CEMIP: variants seen among roughly 807,000 people sequenced by gnomAD.
CEMIP encodes the protein cell migration-inducing and hyaluronan-binding protein.
In CEMIP, 105 loss-of-function variants were observed where a neutral mutation model predicts 156.9. The observed-to-expected ratio is 0.67, with a 90% CI of 0.57 to 0.79. The LOEUF is 0.79. Among genes scored for constraint, CEMIP ranks in the 30% least tolerant of loss-of-function variants. The probability of loss-of-function intolerance (pLI) is 0.00; values close to 1 mark genes in which losing one functional copy is unlikely to be tolerated. For synonymous variants in CEMIP, 676 were observed against 668.4 expected (o/e 1.01, Z -0.17); for missense variants, 1,457 against 1,769.4 (o/e 0.82, Z 3.17).
chr15:80,928,001 TG>T (rs1473568538), intron 19 of CEMIP, among the ~76,000 whole-genome samples: 2 of 152,138 alleles, frequency 1.3e-5, no homozygotes, highest in African/African-American at 4.8e-5. Context: ...ACCAGCCTGG[TG>T]CAGCTGATGT....
Position 80,931,889 on chromosome 15 carries a change from T to G in CEMIP, c.2643T>G (p.Tyr881Ter). The G allele has an allele frequency of 6.2e-7, 1 of 1,614,224 alleles. No homozygotes were observed. The highest frequency in any genetic ancestry group is 8.5e-7 in the Non-Finnish European group (1 of 1,180,040). ...TTCCAATTAGAGGAATTCAGTTATA[T>G]GATGGCCCCATCAACATCCAAAACT... Reference protein sequence around the residue: ...QNFPIRGIQLYDGPINIQNCT... With the variant: ...QNFPIRGIQL Residue 881 changes from tyrosine to a stop codon, truncating the protein, a stop_gained, in exon 22 of 30, where the codon TAT becomes TAG. Coordinates refer to ENST00000394685, the MANE Select transcript of CEMIP (RefSeq NM_001293298.2). LOFTEE classifies it high-confidence loss of function.
At chr15:80,924,439 A>G (rs184288355) in intron 17 of CEMIP, among the ~76,000 whole-genome samples, 182 bp from the exon 18 acceptor site, 4 of 152,310 alleles carry the variant, frequency 2.6e-5, no homozygotes, top group Non-Finnish European at 5.9e-5. Context: ...TGGTCTGAGC[A>G]ATGCAGAATA....
At chr15:80,898,942 C>T (rs147766899) in intron 12 of CEMIP, among the ~76,000 whole-genome samples, 222 of 152,266 alleles carry the variant, frequency 1.5e-3, no homozygotes, top group South Asian at 4.4e-3. Context: ...AGGCCGGGCG[C>T]GGTGGCTCAC....
intron 1 of CEMIP, among the ~76,000 whole-genome samples, chr15:80,810,453 C>T (rs537939973): frequency 3.9e-5 from 6 of 152,286 alleles, no homozygotes; most frequent in African/African-American, 9.6e-5. Context: ...CTGCAAGCTC[C>T]GCCTTCCGGA....
At chr15:80,910,020 C>G (rs1899985962) in intron 14 of CEMIP, among the ~76,000 whole-genome samples, 1 of 152,208 alleles carries the variant, frequency 6.6e-6, no homozygotes, top group Admixed American at 6.5e-5. Context: ...ATTGGACTTT[C>G]TTTAAATGAA....
rs1374349245 is a variant in CEMIP at position 80,942,072 on chromosome 15, AGCCTAGACCCCTTTGCCGTCCAGTCGG to A, written c.3612+27_3612+53del. The A allele has an allele frequency of 1.2e-6, 2 of 1,610,754 alleles. No homozygotes were observed. Among genetic ancestry groups the A allele is most frequent in the East Asian group, 2.2e-5 (1 of 44,782 alleles). Reference sequence around the variant, plus strand: ...TCAGCTGGTGAGTGGCTGAGAGCAAAGCCTAGACCCCTTTGCCGTCCAGTCGGGCCTAGAGCCCTTTGCCGTCCAGTC... The same window carrying A: ...TCAGCTGGTGAGTGGCTGAGAGCAAAGCCTAGAGCCCTTTGCCGTCCAGTC... On this transcript the variant is annotated intron_variant, in intron 26 of 29. Transcript: ENST00000394685.
chr15:80,867,861 C>T (rs779737909), intron 1 of CEMIP, among the ~76,000 whole-genome samples: 5 of 152,032 alleles, frequency 3.3e-5, no homozygotes, highest in Admixed American at 6.6e-5. Flanking sequence ...CAGATGGAGG[C>T]GGTGGGGCAG....
chr15:80,917,034 C>A (rs145385454), intron 14 of CEMIP, among the ~76,000 whole-genome samples: 1 of 152,168 alleles, frequency 6.6e-6, no homozygotes, highest in African/African-American at 2.4e-5. Context: ...TCTAAGTCTG[C>A]GTCACTTATA....
chr15:80,847,073 C>T (rs533369686), intron 1 of CEMIP, among the ~76,000 whole-genome samples: 5 of 152,164 alleles, frequency 3.3e-5, no homozygotes, highest in Non-Finnish European at 5.9e-5. Flanking sequence ...GACAGGGTCT[C>T]GCTGTGCCAC....
intron 19 of CEMIP, among the ~76,000 whole-genome samples, chr15:80,926,557 CAGAGAGAGCAAG>C (rs1485995715): frequency 2.0e-5 from 3 of 151,686 alleles, no homozygotes; most frequent in Non-Finnish European, 2.9e-5. Context: ...ACAGCATTGA[CAGAGAGAGCAAG>C]AGAGAGAGGG....
intron 1 of CEMIP, among the ~76,000 whole-genome samples, chr15:80,785,964 C>A (rs1280583305): frequency 6.6e-6 from 1 of 152,158 alleles, no homozygotes; most frequent in Non-Finnish European, 1.5e-5. Flanking sequence ...GACCTTTAGT[C>A]TTCTAGACTA....
At chr15:80,856,917 G>A (rs982665158) in intron 1 of CEMIP, among the ~76,000 whole-genome samples, 10 of 152,282 alleles carry the variant, frequency 6.6e-5, no homozygotes, top group East Asian at 5.8e-4. Flanking sequence ...CCATCACAAT[G>A]AGCCGGTGGC....
At chr15:80,947,532 A>G (rs1400026777) in intron 29 of CEMIP, 1 of 169,674 alleles carries the variant, frequency 5.9e-6, no homozygotes, top group African/African-American at 2.4e-5. Flanking sequence ...GAGAACCTAC[A>G]TGGCTTGTCC....
chr15:80,791,797 C>A (rs574732537), intron 1 of CEMIP, among the ~76,000 whole-genome samples: 1 of 152,140 alleles, frequency 6.6e-6, no homozygotes, highest in African/African-American at 2.4e-5. Flanking sequence ...GCCTTGTTGA[C>A]TGACCTGCAG....
At chr15:80,942,422 C>A in intron 27 of CEMIP, 85 bp downstream of exon 27, 1 of 1,177,600 alleles carries the variant, frequency 8.5e-7, no homozygotes, top group Non-Finnish European at 1.3e-6. Flanking sequence ...CAAATTACTG[C>A]AAACTGGGAG....
intron 1 of CEMIP, chr15:80,842,004 A>G (rs1468251926): frequency 1.1e-5 from 5 of 458,930 alleles, no homozygotes; most frequent in Non-Finnish European, 2.1e-5. Context: ...GAGCTCATCC[A>G]TAGTTGTCAC....
At chr15:80,943,390 C>G (rs1901418020) in intron 28 of CEMIP, among the ~76,000 whole-genome samples, 1 of 152,242 alleles carries the variant, frequency 6.6e-6, no homozygotes, top group South Asian at 2.1e-4. Flanking sequence ...CCAGCATGAT[C>G]TCATCCCCTC....
chr15:80,846,147 C>G (rs551493169), intron 1 of CEMIP, among the ~76,000 whole-genome samples: 1 of 152,196 alleles, frequency 6.6e-6, no homozygotes, highest in Non-Finnish European at 1.5e-5. Flanking sequence ...GAAGCACAGT[C>G]ATGGAATACT....
chr15:80,887,615 C>A, intron 7 of CEMIP, 79 bp from the exon 8 acceptor site: 1 of 1,114,992 alleles, frequency 9.0e-7, no homozygotes, highest in Non-Finnish European at 1.3e-6. Context: ...TGCTTCAACT[C>A]TGCCCCATCC....
Sources: allele counts gnomAD v4.1 joint callset (sites outside exome capture counted in the v4.1 genomes callset), GRCh38; gene constraint gnomAD v4.1.1; transcripts MANE v1.5; gene names NCBI Gene and HGNC (gene_info 2026-07-23, HGNC 2026-07-21).